The following PPRC1 variants were observed in gnomAD, a reference collection of about 807,000 sequenced individuals.
PPRC1 encodes PPARG related coactivator 1.
A neutral mutation model predicts 132.5 loss-of-function variants in PPRC1; 23 were observed. The observed-to-expected ratio is 0.17, with a 90% CI of 0.12 to 0.25. PPRC1 has a LOEUF of 0.25. Among genes scored for constraint, PPRC1 ranks in the 10% least tolerant of loss-of-function variants. PPRC1 has a pLI of 1.00. For synonymous variants in PPRC1, 872 were observed against 833.5 expected, an observed-to-expected ratio of 1.05 and a Z score of -0.80; for missense variants, 2,006 against 2,089.1, an observed-to-expected ratio of 0.96 and a Z score of 0.78.
At chr10:102,130,156 C>T (rs1444546171), upstream of PPRC1, among the ~76,000 whole-genome samples, 1 of 152,016 alleles carries the variant, frequency 6.6e-6, no homozygotes, top group African/African-American at 2.4e-5. Flanking sequence ...GTGGCTCATG[C>T]CTGTAATCCC....
chr10:102,125,880 T>C, the PPRC1 span, among the ~76,000 whole-genome samples: 55 of 151,026 alleles, frequency 3.6e-4, no homozygotes, highest in East Asian at 8.5e-3. Context: ...TTTTTTTTTT[T>C]AGACAGAGTT....
At chr10:102,149,615 C>T (rs542865144) in intron 13 of PPRC1, among the ~76,000 whole-genome samples, 8 of 152,032 alleles carry the variant, frequency 5.3e-5, no homozygotes, top group South Asian at 2.1e-4. Flanking sequence ...ACCTGTAATC[C>T]CAGCTACTCG....
rs559970767 is a variant in PPRC1 at position 102,137,093 on chromosome 10, C to T, written c.154-757C>T. ...GCGGCTCACGCCTGTAATCACAGCA[C>T]TTTCAGAGGCTGAGTCGGGCGGATT... On this transcript the variant is annotated intron_variant, in intron 1 of 13. Transcript: ENST00000278070. Among the ~76,000 whole-genome samples, 3 of 152,308 alleles carry T rather than the reference C, an allele frequency of 2.0e-5. 1 individual carries two copies. The South Asian group carries it at 6.2e-4, about 32-fold the overall frequency.
chr10:102,148,705 GA>G lies in PPRC1; in HGVS notation c.4617+13del, dbSNP rs780476045. The G allele has an allele frequency of 1.2e-6, 2 of 1,614,194 alleles. No individual in the cohort carries two copies. The highest frequency in any genetic ancestry group is 1.7e-6 in the Non-Finnish European group (2 of 1,180,008). Reference sequence around the variant, plus strand: ...AAGGAGCGTGCAATAGTGAGTAGAGGAACAGATCATGGGAGGATGGGGCTTA... The same window carrying G: ...AAGGAGCGTGCAATAGTGAGTAGAGGACAGATCATGGGAGGATGGGGCTTA... On this transcript the variant is annotated intron_variant, in intron 11 of 13. Coordinates refer to ENST00000278070, the MANE Select transcript of PPRC1 (RefSeq NM_015062.5). The surrounding 1 kb of genome is among the most constrained non-coding windows in gnomAD (Gnocchi z 4.2).
rs753691351 is a variant in PPRC1 at position 102,147,318 on chromosome 10, C to T, written c.4326C>T (p.Ser1442=). 2.1e-5 allele frequency: 34 copies of T among 1,612,284 alleles called. No individual in the cohort carries two copies. The highest frequency in any genetic ancestry group is 2.7e-5 in the Non-Finnish European group (32 of 1,180,018). Reference sequence around the variant, plus strand: ...CCAACCGGACTAGCGAAGCATCTTCCTCATCCTCATCATCGTCTTCCTCAT... The same window carrying T: ...CCAACCGGACTAGCGAAGCATCTTCTTCATCCTCATCATCGTCTTCCTCAT... ...SGSNRTSEAS[S]SSSSSSSSSR... Residue 1442 remains serine (S), a synonymous_variant, in exon 9 of 14, where the codon TCC becomes TCT. Coordinates refer to ENST00000278070, the MANE Select transcript of PPRC1 (RefSeq NM_015062.5).
In PPRC1 at chr10:102,145,009, C is replaced by A. The variant is rs1320220481; in HGVS notation, c.3609-11C>A. On this transcript the variant is annotated splice_polypyrimidine_tract_variant and intron_variant, in intron 7 of 13. Transcript: ENST00000278070. ...CAATGAATCAGGCTTTCCCTTTTCCCCCCCCGCCAGCGGCGTTGACATTCC... is the reference window on the plus strand; with the variant it reads ...CAATGAATCAGGCTTTCCCTTTTCCACCCCCGCCAGCGGCGTTGACATTCC... 1.9e-6 allele frequency: 3 copies of A among 1,560,160 alleles called. No individual in the cohort carries two copies. The highest frequency in any genetic ancestry group is 1.2e-5 in the South Asian group (1 of 83,350).
intron 5 of PPRC1, among the ~76,000 whole-genome samples, chr10:102,142,375 A>G (rs181168581): frequency 2.7e-5 from 3 of 110,612 alleles, no homozygotes; most frequent in Admixed American, 1.2e-4. Context: ...TGCTGGGATT[A>G]TAGGCGTGAG....
At chr10:102,142,054 T>C in intron 5 of PPRC1, 50 bp downstream of exon 5, 1 of 1,541,218 alleles carries the variant, frequency 6.5e-7, no homozygotes, top group Non-Finnish European at 8.8e-7. Flanking sequence ...GCTGGGGGAC[T>C]CTAGAATAGG....
the PPRC1 span, among the ~76,000 whole-genome samples, chr10:102,123,263 C>T: frequency 2.0e-5 from 3 of 152,156 alleles, no homozygotes; most frequent in Non-Finnish European, 4.4e-5. Flanking sequence ...TAGTGTGGAT[C>T]AGACCTGGGG....
chr10:102,139,219 C>T lies in PPRC1; in HGVS notation c.711C>T (p.Ser237=), dbSNP rs1003644496. The change falls in exon 5 of 14, where the codon TCC becomes TCT. Residue 237 remains serine (S), a synonymous_variant. Transcript: ENST00000278070. ...GATCAAGACCACGCTGGGGCCAATC[C>T]CCACCTCCCCAGCAGCGCAGTGATG... ...PPRSRPRWGQ[S]PPPQQRSDGE... 1 of 1,614,038 alleles carries T rather than the reference C, an allele frequency of 6.2e-7. No individual in the cohort carries two copies. The highest frequency in any genetic ancestry group is 8.5e-7 in the Non-Finnish European group (1 of 1,180,042).
At chr10:102,135,619 TCCAC>T (rs1410098926) in intron 1 of PPRC1, among the ~76,000 whole-genome samples, 1 of 152,142 alleles carries the variant, frequency 6.6e-6, no homozygotes, top group East Asian at 1.9e-4. Flanking sequence ...CCTCAAGTGA[TCCAC>T]CCACCTCAGC....
At chr10:102,122,486 T>C in the PPRC1 span, among the ~76,000 whole-genome samples, 1 of 147,416 alleles carries the variant, frequency 6.8e-6, no homozygotes. Flanking sequence ...TTTTTTAAGA[T>C]TATCCAATTC....
chr10:102,149,032 C>A, intron 12 of PPRC1, 94 bp downstream of exon 12: 1 of 1,547,452 alleles, frequency 6.5e-7, no homozygotes, highest in Non-Finnish European at 8.7e-7. Flanking sequence ...GTGTGCTGAG[C>A]AATATGGGGC....
chr10:102,127,068 T>TAA, the PPRC1 span, among the ~76,000 whole-genome samples: 410 of 74,088 alleles, frequency 5.5e-3, 20 homozygotes, highest in East Asian at 0.014. Context: ...TATATATATA[T>TAA]AAATTAAAAA....
At position 102,137,913 on chromosome 10, in the gene PPRC1, C is replaced by T. The variant is rs560134709; in HGVS notation, c.217C>T (p.Leu73=). The change falls in exon 2 of 14, where the codon CTG becomes TTG. Residue 73 remains leucine (L), a synonymous_variant. Transcript: ENST00000278070. The part of the protein sequence containing the change: ...FVSLSRLGPS[L]RDKDLEMEEL... Reference sequence around the variant, plus strand: ...CAGTCTCTCTCGGCTGGGCCCATCTCTGAGGGACAAGGACCTGGAAATGGA... The same window carrying T: ...CAGTCTCTCTCGGCTGGGCCCATCTTTGAGGGACAAGGACCTGGAAATGGA... The T allele has an allele frequency of 3.7e-6, 6 of 1,614,142 alleles. No individual in the cohort carries two copies. Among genetic ancestry groups the T allele is most frequent in the Non-Finnish European group, 5.1e-6 (6 of 1,180,028 alleles).
chr10:102,149,207 A>G lies in PPRC1; in HGVS notation c.4769A>G (p.Tyr1590Cys). ...GDNYGFVTYR[Y>C]AEEAFAAIES... is the part of the protein sequence containing the mutation. ...AACTACGGCTTCGTCACTTATCGCT[A>G]TGCTGAGGAGGCATTTGCAGCCATT... is the stretch of plus-strand genomic sequence containing the variant. The change falls in exon 13 of 14, where the codon TAT becomes TGT. Residue 1590 changes from tyrosine to cysteine, a missense_variant. Around this residue, in one of 2 missense-constraint regions of PPRC1, gnomAD observed 92 missense variants for 171.9 expected, o/e 0.54. Coordinates refer to ENST00000278070, the MANE Select transcript of PPRC1 (RefSeq NM_015062.5). 6.2e-7 allele frequency: 1 copy of G among 1,606,542 alleles called. No homozygotes were observed. The highest frequency in any genetic ancestry group is 8.5e-7 in the Non-Finnish European group (1 of 1,176,104).
Position 102,148,630 on chromosome 10 carries a change from A to G in PPRC1, c.4553A>G (p.Tyr1518Cys), listed in dbSNP as rs1386359895. The change falls in exon 11 of 14, where the codon TAC becomes TGC. Residue 1518 changes from tyrosine to cysteine, a missense_variant and splice_region_variant. Physicochemically the swap from Tyr to Cys is radical, Grantham distance 194. Around this residue, in one of 2 missense-constraint regions of PPRC1, gnomAD observed 1,914 missense variants for 1,917.2 expected, o/e 1.00. Coordinates refer to ENST00000278070, the MANE Select transcript of PPRC1 (RefSeq NM_015062.5). The surrounding 1 kb of genome is among the most constrained non-coding windows in gnomAD (Gnocchi z 4.2). The part of the protein sequence containing the change: ...PRRRSDRRRR[Y>C]SSYRSHDHYQ... ...CTGATGACACCCTCTTTTGTCAGGT[A>G]CAGCTCTTATCGTTCACATGACCAT... The G allele has an allele frequency of 1.2e-6, 2 of 1,614,144 alleles. No homozygotes were observed. The highest frequency in any genetic ancestry group is 8.5e-7 in the Non-Finnish European group (1 of 1,180,010).
chr10:102,134,105 G>A (rs1469767105), intron 1 of PPRC1, among the ~76,000 whole-genome samples: 2 of 152,068 alleles, frequency 1.3e-5, no homozygotes, highest in Non-Finnish European at 2.9e-5. Flanking sequence ...TGGTTGCCTT[G>A]CAGTCTTGCC....
rs750792038 is a variant in PPRC1 at position 102,146,989 on chromosome 10, C to G, written c.3997C>G (p.Pro1333Ala). Residue 1333 changes from proline to alanine, a missense_variant, in exon 9 of 14, where the codon CCT becomes GCT. Transcript: ENST00000278070. Reference sequence around the variant, plus strand: ...GCGCCATCAGGACATCACCATCAAACCTGTCTTGTCCTTGGGCCCAGCTGC... The same window carrying G: ...GCGCCATCAGGACATCACCATCAAAGCTGTCTTGTCCTTGGGCCCAGCTGC... ...VKRHQDITIK[P>A]VLSLGPAAPP... 2.5e-6 allele frequency: 4 copies of G among 1,614,018 alleles called. No homozygotes were observed. Among genetic ancestry groups the G allele is most frequent in the Non-Finnish European group, 2.5e-6 (3 of 1,180,020 alleles).
Sources: allele counts gnomAD v4.1 joint callset (sites outside exome capture counted in the v4.1 genomes callset), GRCh38; gene constraint gnomAD v4.1.1; regional missense constraint gnomAD v4.1.1; non-coding constraint Gnocchi (gnomAD v3.1); transcripts MANE v1.5; gene names NCBI Gene and HGNC (gene_info 2026-07-23, HGNC 2026-07-21).